C1orf87: variants seen among roughly 807,000 people sequenced by gnomAD.
C1orf87 encodes the protein chromosome 1 open reading frame 87.
Under a neutral mutation model 60.5 loss-of-function variants are expected in C1orf87, and 58 were observed. The observed-to-expected ratio is 0.96, with a 90% CI of 0.78 to 1.19. The LOEUF is 1.19. Ranked by LOEUF, C1orf87 falls within the 50% of genes most tolerant of loss-of-function variation. The pLI, the probability that C1orf87 is intolerant of heterozygous loss-of-function variation, is 0.00. For missense variants in C1orf87, 673 were observed against 638.6 expected (o/e 1.05, Z -0.58); for synonymous variants, 236 against 227.4 (o/e 1.04, Z -0.34).
chr1:60,054,981 T>C (rs531600112), intron 3 of C1orf87, among the ~76,000 whole-genome samples: 2 of 152,204 alleles, frequency 1.3e-5, no homozygotes, highest in East Asian at 3.9e-4. Flanking sequence ...ATGACCAACT[T>C]CTTTGGTGAT....
intron 3 of C1orf87, among the ~76,000 whole-genome samples, chr1:60,047,995 C>T (rs1444771234): frequency 2.0e-5 from 3 of 152,074 alleles, no homozygotes; most frequent in Non-Finnish European, 4.4e-5. Flanking sequence ...CACTCATTTT[C>T]AAGGTGGCCC....
intron 3 of C1orf87, among the ~76,000 whole-genome samples, chr1:60,047,292 T>C (rs1326085651): frequency 6.6e-6 from 1 of 152,188 alleles, no homozygotes; most frequent in Non-Finnish European, 1.5e-5. Flanking sequence ...TGAGTTTTTG[T>C]TTTTTAAAAT....
In C1orf87 at chr1:59,997,687, C is replaced by T. The variant is rs1644972779; in HGVS notation, c.1402G>A (p.Ala468Thr). Residue 468 changes from alanine to threonine, a missense_variant, in exon 11 of 12, where the codon GCT (alanine) becomes ACT (threonine). Ala to Thr is a moderately conservative substitution (Grantham distance 58). Transcript: ENST00000371201. ...PFVNPAVKNKAEECETWIDRF... is the reference protein window; with the variant it reads ...PFVNPAVKNKTEECETWIDRF... ...TCTATCCACGTCTCACATTCCTCAG[C>T]CTTGTTCTTCACAGCTGGATTCACG... The T allele has an allele frequency of 6.2e-7, 1 of 1,613,866 alleles. No individual in the cohort carries two copies. The highest frequency in any genetic ancestry group is 8.5e-7 in the Non-Finnish European group (1 of 1,179,914).
intron 8 of C1orf87, among the ~76,000 whole-genome samples, 194 bp from the exon 9 acceptor site, chr1:60,010,650 C>A (rs562230237): frequency 1.3e-5 from 2 of 152,018 alleles, no homozygotes; most frequent in South Asian, 2.1e-4. Context: ...GGAATTATTG[C>A]AAAGCCATTA....
intron 3 of C1orf87, among the ~76,000 whole-genome samples, chr1:60,045,020 T>C (rs976557325): frequency 6.6e-6 from 1 of 152,184 alleles, no homozygotes; most frequent in Non-Finnish European, 1.5e-5. Flanking sequence ...CTTTTAAAGG[T>C]TGCTTATAAA....
intron 9 of C1orf87, among the ~76,000 whole-genome samples, chr1:60,009,971 C>T (rs1024438554): frequency 6.6e-6 from 1 of 150,606 alleles, no homozygotes; most frequent in Middle Eastern, 3.2e-3. Flanking sequence ...AAAATGTTTA[C>T]CAAAAAAACC....
intron 2 of C1orf87, among the ~76,000 whole-genome samples, chr1:60,061,809 G>T (rs1172004146): frequency 1.5e-5 from 2 of 136,880 alleles, no homozygotes; most frequent in Non-Finnish European, 3.2e-5. Flanking sequence ...AAAATAGCTG[G>T]GCTTTGTGGT....
chr1:59,990,730 G>A lies in C1orf87; in HGVS notation c.1584C>T (p.Phe528=), dbSNP rs1312060260. The change falls in exon 12 of 12, where the codon TTC becomes TTT. Residue 528 remains phenylalanine (F), a synonymous_variant. Coordinates refer to ENST00000371201, the MANE Select transcript of C1orf87 (RefSeq NM_152377.3). ...CCAAGAGCATATTTTCTCCCGAACG[G>A]AATCTGCGCAAGGCCTGGTCGATTT... ...PQKIDQALRR[F]RSGENMLLEP... is the part of the protein sequence containing the mutation. 4.3e-6 allele frequency: 7 copies of A among 1,613,982 alleles called. No homozygotes were observed. The highest frequency in any genetic ancestry group is 5.1e-6 in the Non-Finnish European group (6 of 1,180,000).
At chr1:60,026,055 A>T (rs976163687) in intron 7 of C1orf87, among the ~76,000 whole-genome samples, 1 of 152,198 alleles carries the variant, frequency 6.6e-6, no homozygotes, top group African/African-American at 2.4e-5. Flanking sequence ...ATGAGGTGTC[A>T]TTGAAGTTTC....
chr1:60,072,365 G>A (rs1415893989), intron 2 of C1orf87, among the ~76,000 whole-genome samples, 172 bp downstream of exon 2: 1 of 152,090 alleles, frequency 6.6e-6, no homozygotes, highest in East Asian at 1.9e-4. Context: ...AAAAATATCA[G>A]GAAAACAGTG....
At chr1:60,061,776 C>CAAAAAAAAAAAAA (rs57844722) in intron 2 of C1orf87, among the ~76,000 whole-genome samples, 2 of 53,156 alleles carry the variant, frequency 3.8e-5, no homozygotes, top group Non-Finnish European at 6.8e-5. Flanking sequence ...CCATCTCTAC[C>CAAAAAAAAAAAAA]AAAAAAAAAA....
chr1:59,996,855 A>C (rs1030268530), intron 11 of C1orf87, among the ~76,000 whole-genome samples: 10 of 152,138 alleles, frequency 6.6e-5, no homozygotes, highest in African/African-American at 2.4e-4. Flanking sequence ...TCAAAACAAA[A>C]CTGTGCAAGG....
intron 7 of C1orf87, among the ~76,000 whole-genome samples, chr1:60,030,759 G>A (rs1645232246): frequency 6.6e-6 from 1 of 152,234 alleles, no homozygotes; most frequent in South Asian, 2.1e-4. Flanking sequence ...ATCAATGAAT[G>A]TGTATCCACA....
At chr1:60,011,918 A>G (rs1479840827) in intron 8 of C1orf87, among the ~76,000 whole-genome samples, 1 of 152,092 alleles carries the variant, frequency 6.6e-6, no homozygotes, top group Non-Finnish European at 1.5e-5. Context: ...CAGATAAGTG[A>G]TGGATATGCA....
intron 2 of C1orf87, among the ~76,000 whole-genome samples, chr1:60,064,215 G>T (rs1464941842): frequency 1.0e-5 from 1 of 97,252 alleles, no homozygotes; most frequent in Non-Finnish European, 2.3e-5. Flanking sequence ...TTGTGATTGT[G>T]TGAGTTAATA....
At chr1:60,008,543 C>T (rs1384097984) in intron 9 of C1orf87, 1 of 272,324 alleles carries the variant, frequency 3.7e-6, no homozygotes, top group African/African-American at 2.3e-5. Flanking sequence ...GGCTGTAATC[C>T]AATCTGACTG....
intron 3 of C1orf87, among the ~76,000 whole-genome samples, chr1:60,047,531 C>T (rs1024618300): frequency 2.0e-5 from 3 of 152,122 alleles, no homozygotes; most frequent in Admixed American, 6.5e-5. Context: ...TTTTCCTGAA[C>T]ATAATGCAGA....
intron 2 of C1orf87, among the ~76,000 whole-genome samples, chr1:60,071,747 AAATTTC>A (rs1000870450): frequency 2.0e-5 from 3 of 152,204 alleles, no homozygotes; most frequent in African/African-American, 7.2e-5. Flanking sequence ...GGTTTAGCAA[AAATTTC>A]TTCTTGCACC....
chr1:60,002,343 T>A (rs1645011926), intron 9 of C1orf87, among the ~76,000 whole-genome samples: 1 of 152,082 alleles, frequency 6.6e-6, no homozygotes, highest in Non-Finnish European at 1.5e-5. Context: ...AAGGGGATAA[T>A]GACACCTATA....
Sources: gnomAD v4.1 joint callset for allele counts (sites outside exome capture counted in the v4.1 genomes callset) on GRCh38, gnomAD v4.1.1 for gene constraint, MANE v1.5 for transcripts, NCBI Gene and HGNC (gene_info 2026-07-23, HGNC 2026-07-21) for gene names.